The following GRIN2A variants were observed in gnomAD, a reference collection of about 807,000 sequenced individuals.
GRIN2A encodes the protein glutamate ionotropic receptor NMDA type subunit 2A, also known as glutamate receptor ionotropic, NMDA 2A.
Under a neutral mutation model 113.4 loss-of-function variants are expected in GRIN2A, and 22 were observed. The observed-to-expected ratio is 0.19, with a 90% CI of 0.14 to 0.28. GRIN2A has a LOEUF of 0.28. Ranked by LOEUF, GRIN2A falls within the 10% of genes least tolerant of loss-of-function variation. GRIN2A has a pLI of 1.00. For missense variants in GRIN2A, 1,502 were observed against 1,887.0 expected (o/e 0.80, Z 3.78); for synonymous variants, 827 against 738.4 (o/e 1.12, Z -1.94).
At chr16:9,871,775 T>C (rs2043266198) in intron 4 of GRIN2A, among the ~76,000 whole-genome samples, 1 of 152,104 alleles carries the variant, frequency 6.6e-6, no homozygotes, top group South Asian at 2.1e-4. Flanking sequence ...GTTTAAAAAC[T>C]ATTAGGCACT....
intron 2 of GRIN2A, among the ~76,000 whole-genome samples, chr16:10,094,143 G>T (rs954921073): frequency 4.6e-5 from 7 of 152,170 alleles, no homozygotes; most frequent in Non-Finnish European, 7.3e-5. Context: ...GTACAGAGGA[G>T]ATACCAATAA....
At chr16:10,160,342 A>C (rs1415752728) in intron 2 of GRIN2A, among the ~76,000 whole-genome samples, 1 of 152,240 alleles carries the variant, frequency 6.6e-6, no homozygotes, top group Admixed American at 6.5e-5. Context: ...ACACAGCACA[A>C]GTGGGCGTGG....
chr16:9,941,058 G>T (rs187680021), intron 2 of GRIN2A, among the ~76,000 whole-genome samples: 1 of 152,212 alleles, frequency 6.6e-6, no homozygotes, highest in Non-Finnish European at 1.5e-5. Flanking sequence ...CCAGTCACCA[G>T]AGTTACCTTC....
intron 2 of GRIN2A, among the ~76,000 whole-genome samples, chr16:10,054,497 G>A (rs2047412075): frequency 1.3e-5 from 2 of 152,196 alleles, no homozygotes; most frequent in Admixed American, 1.3e-4. Context: ...AATCTCTGGT[G>A]ATGTTGAAGA....
At chr16:10,124,010 G>C (rs1479977031) in intron 2 of GRIN2A, among the ~76,000 whole-genome samples, 2 of 152,170 alleles carry the variant, frequency 1.3e-5, no homozygotes, top group Non-Finnish European at 2.9e-5. Context: ...CAGAGCCCTT[G>C]TTCCCACCTT....
At chr16:9,979,818 T>A (rs2729594) in intron 2 of GRIN2A, among the ~76,000 whole-genome samples, 2 of 134,364 alleles carry the variant, frequency 1.5e-5, no homozygotes, top group East Asian at 2.6e-4. Context: ...TATATGTATA[T>A]GTATGTATTT....
intron 2 of GRIN2A, among the ~76,000 whole-genome samples, chr16:10,151,075 C>A (rs185952598): frequency 1.3e-5 from 2 of 152,216 alleles, no homozygotes; most frequent in Non-Finnish European, 2.9e-5. Flanking sequence ...GTGTTAATTT[C>A]TTTGGCTGCA....
chr16:9,878,912 G>A (rs1308997018), intron 4 of GRIN2A, among the ~76,000 whole-genome samples: 1 of 151,972 alleles, frequency 6.6e-6, no homozygotes, highest in Non-Finnish European at 1.5e-5. Context: ...TGCTTTGGGA[G>A]ATGGCATCAC....
At chr16:10,039,042 C>G (rs943682635) in intron 2 of GRIN2A, among the ~76,000 whole-genome samples, 1 of 152,088 alleles carries the variant, frequency 6.6e-6, no homozygotes, top group Non-Finnish European at 1.5e-5. Flanking sequence ...TAGCTCTTTC[C>G]CACATCAGAC....
intron 5 of GRIN2A, among the ~76,000 whole-genome samples, chr16:9,848,151 TA>T (rs1290437297): frequency 6.7e-6 from 1 of 148,544 alleles, no homozygotes; most frequent in Non-Finnish European, 1.5e-5. Flanking sequence ...ATAAAATATG[TA>T]AAAATATATG....
chr16:10,178,029 G>C (rs2050185184), intron 2 of GRIN2A, among the ~76,000 whole-genome samples: 1 of 152,184 alleles, frequency 6.6e-6, no homozygotes. Flanking sequence ...CCATTGGGTT[G>C]TGCCAAACCC....
intron 4 of GRIN2A, among the ~76,000 whole-genome samples, chr16:9,869,230 T>G (rs1276736403): frequency 6.6e-6 from 1 of 152,170 alleles, no homozygotes; most frequent in Non-Finnish European, 1.5e-5. Flanking sequence ...GCCAGGAGTT[T>G]GAGACCAGCC....
chr16:9,905,102 A>G (rs989154818), intron 3 of GRIN2A, among the ~76,000 whole-genome samples: 1 of 152,262 alleles, frequency 6.6e-6, no homozygotes, highest in Non-Finnish European at 1.5e-5. Flanking sequence ...ACTTCAATAA[A>G]CATCCATTGA....
chr16:10,060,924 G>C (rs2047541842), intron 2 of GRIN2A, among the ~76,000 whole-genome samples: 1 of 152,186 alleles, frequency 6.6e-6, no homozygotes, highest in Admixed American at 6.5e-5. Flanking sequence ...AAAGACATCA[G>C]AGCAGAAACT....
chr16:10,144,505 T>C (rs748982123), intron 2 of GRIN2A, among the ~76,000 whole-genome samples: 33 of 152,234 alleles, frequency 2.2e-4, no homozygotes, highest in Non-Finnish European at 4.7e-4. Flanking sequence ...TTTTTAATTG[T>C]CCATTTAATA....
chr16:9,762,146 C>T lies in GRIN2A; in HGVS notation c.*1003G>A, dbSNP rs528606949. 5.1e-5 allele frequency: 11 copies of T among 215,244 alleles called. No homozygotes were observed. Among genetic ancestry groups the T allele is most frequent in the African/African-American group, 9.0e-5 (4 of 44,436 alleles). 13.3% of individuals were successfully genotyped at this position (215,244 alleles called of 1,614,324 possible). A position where few individuals can be genotyped will look rare whatever the true frequency, so the allele number is the denominator to read the frequency against. Reference sequence around the variant, plus strand: ...ACCACATTAACAACTCTGGGAAGAGCGATACACAGCTAATTGGACACCACC... The same window carrying T: ...ACCACATTAACAACTCTGGGAAGAGTGATACACAGCTAATTGGACACCACC... On this transcript the variant is annotated 3_prime_UTR_variant, in exon 13 of 13. Transcript: ENST00000330684.
At chr16:10,032,877 GGA>G (rs1342555452) in intron 2 of GRIN2A, among the ~76,000 whole-genome samples, 2 of 152,184 alleles carry the variant, frequency 1.3e-5, no homozygotes, top group African/African-American at 4.8e-5. Context: ...CTCACCCAAT[GGA>G]GAGTTTCCTT....
intron 2 of GRIN2A, among the ~76,000 whole-genome samples, chr16:10,008,511 C>T (rs1004078633): frequency 7.9e-5 from 12 of 152,102 alleles, no homozygotes; most frequent in African/African-American, 2.9e-4. Context: ...GACCAAAGAC[C>T]GGACCCATGA....
chr16:9,959,993 T>C (rs966536810), intron 2 of GRIN2A, among the ~76,000 whole-genome samples: 30 of 151,922 alleles, frequency 2.0e-4, no homozygotes, highest in African/African-American at 7.0e-4. Context: ...ACAAAAACCA[T>C]AGCACATACC....
Sources: gnomAD v4.1 joint callset for allele counts (sites outside exome capture counted in the v4.1 genomes callset) on GRCh38, gnomAD v4.1.1 for gene constraint, MANE v1.5 for transcripts, NCBI Gene and HGNC (gene_info 2026-07-23, HGNC 2026-07-21) for gene names.